EBF1: variants seen among roughly 807,000 people sequenced by gnomAD.
The protein encoded by EBF1 is transcription factor COE1.
EBF1 carries 10 observed loss-of-function variants against 68.4 expected under a neutral mutation model. That is an observed-to-expected ratio of 0.15 (90% CI 0.09 to 0.25). EBF1 has a LOEUF of 0.25. EBF1 is among the 10% of genes least tolerant of loss of function. The pLI, the probability that EBF1 is intolerant of heterozygous loss-of-function variation, is 1.00. For synonymous variants in EBF1, 298 were observed against 299.8 expected (o/e 0.99, Z 0.06); for missense variants, 509 against 794.4 (o/e 0.64, Z 4.32).
At chr5:159,016,766 T>C (rs556012280) in intron 6 of EBF1, among the ~76,000 whole-genome samples, 6 of 152,296 alleles carry the variant, frequency 3.9e-5, no homozygotes, top group South Asian at 4.1e-4. Flanking sequence ...TTTAGCTCTA[T>C]CCTTGGATCA....
chr5:158,991,772 AT>A (rs1760374992), intron 6 of EBF1, among the ~76,000 whole-genome samples: 1 of 152,206 alleles, frequency 6.6e-6, no homozygotes, highest in South Asian at 2.1e-4. Context: ...AGCTAGTTTT[AT>A]CCTTTTGCAT....
intron 6 of EBF1, among the ~76,000 whole-genome samples, chr5:159,056,353 GA>G (rs1355354685): frequency 6.6e-6 from 1 of 152,136 alleles, no homozygotes; most frequent in Non-Finnish European, 1.5e-5. Context: ...ATTCAGAGGT[GA>G]AATAATTGTC....
chr5:158,858,951 A>G (rs1263206618), intron 6 of EBF1, among the ~76,000 whole-genome samples: 1 of 152,172 alleles, frequency 6.6e-6, no homozygotes, highest in Non-Finnish European at 1.5e-5. Context: ...CTCCTTAGAC[A>G]GTGAGCTTTA....
At chr5:158,887,857 G>C (rs1029248134) in intron 6 of EBF1, among the ~76,000 whole-genome samples, 1 of 152,146 alleles carries the variant, frequency 6.6e-6, no homozygotes, top group Non-Finnish European at 1.5e-5. Flanking sequence ...TTCAAAGAGT[G>C]GGGGGAAAAG....
At chr5:158,933,833 C>A (rs775867682) in intron 6 of EBF1, among the ~76,000 whole-genome samples, 2 of 152,190 alleles carry the variant, frequency 1.3e-5, no homozygotes, top group African/African-American at 4.8e-5. Flanking sequence ...TCTGCTCACA[C>A]CCCAAAACAA....
chr5:158,846,587 G>T (rs1173510742), intron 6 of EBF1, among the ~76,000 whole-genome samples: 1 of 152,298 alleles, frequency 6.6e-6, no homozygotes, highest in East Asian at 1.9e-4. Context: ...CTGAAAAATG[G>T]ATCTCCCTTG....
chr5:158,930,157 G>C (rs1407855319), intron 6 of EBF1, among the ~76,000 whole-genome samples: 1 of 152,056 alleles, frequency 6.6e-6, no homozygotes, highest in African/African-American at 2.4e-5. Flanking sequence ...AAGTTAGTCA[G>C]GTGTATCTGT....
intron 9 of EBF1, among the ~76,000 whole-genome samples, chr5:158,780,791 G>A (rs780893493): frequency 1.3e-5 from 2 of 152,116 alleles, no homozygotes; most frequent in South Asian, 4.2e-4. Context: ...GTGATGAAAA[G>A]AGAAACCAAA....
chr5:158,806,088 T>G (rs1353204122), intron 8 of EBF1, among the ~76,000 whole-genome samples: 1 of 152,088 alleles, frequency 6.6e-6, no homozygotes, highest in Non-Finnish European at 1.5e-5. Flanking sequence ...TGAAGTCATT[T>G]ATTGATCAAC....
intron 6 of EBF1, among the ~76,000 whole-genome samples, chr5:158,924,079 T>A (rs1284960367): frequency 6.6e-6 from 1 of 152,214 alleles, no homozygotes; most frequent in Non-Finnish European, 1.5e-5. Context: ...AGACAAAGTT[T>A]TTAGTCATCT....
intron 10 of EBF1, among the ~76,000 whole-genome samples, chr5:158,737,100 C>T (rs926940253): frequency 5.9e-5 from 9 of 152,046 alleles, no homozygotes; most frequent in African/African-American, 2.2e-4. Context: ...GTGCCCCTGC[C>T]TCGGAGAGAG....
chr5:158,997,829 G>A (rs777240293), intron 6 of EBF1, among the ~76,000 whole-genome samples: 4 of 152,054 alleles, frequency 2.6e-5, no homozygotes, highest in Admixed American at 6.6e-5. Context: ...TTACCTCAAC[G>A]CTCATGTTCT....
chr5:158,929,352 C>G (rs1347973360), intron 6 of EBF1, among the ~76,000 whole-genome samples: 1 of 152,176 alleles, frequency 6.6e-6, no homozygotes, highest in Non-Finnish European at 1.5e-5. Context: ...CCCTGTCTGT[C>G]CACAGTACAG....
At chr5:158,772,914 A>G (rs1234054000) in intron 10 of EBF1, among the ~76,000 whole-genome samples, 1 of 152,174 alleles carries the variant, frequency 6.6e-6, no homozygotes, top group Non-Finnish European at 1.5e-5. Context: ...CCAGCAAGGT[A>G]TTATTATTAT....
intron 6 of EBF1, among the ~76,000 whole-genome samples, chr5:159,035,123 G>A (rs1012722415): frequency 6.6e-6 from 1 of 152,028 alleles, no homozygotes; most frequent in Non-Finnish European, 1.5e-5. Flanking sequence ...GAAAGAAAGA[G>A]AAAGAAAGAG....
chr5:159,080,745 A>G (rs1454343311), intron 5 of EBF1, among the ~76,000 whole-genome samples: 1 of 152,258 alleles, frequency 6.6e-6, no homozygotes, highest in Non-Finnish European at 1.5e-5. Flanking sequence ...TTAATCACCA[A>G]CTTCTGAGAT....
chr5:158,749,067 G>A (rs1375476286), intron 10 of EBF1, among the ~76,000 whole-genome samples: 1 of 152,192 alleles, frequency 6.6e-6, no homozygotes, highest in Non-Finnish European at 1.5e-5. Context: ...CCCTGTGGAA[G>A]AGGGCCTAGA....
intron 6 of EBF1, among the ~76,000 whole-genome samples, chr5:158,941,846 C>T (rs1471874022): frequency 6.6e-6 from 1 of 152,138 alleles, no homozygotes; most frequent in African/African-American, 2.4e-5. Flanking sequence ...ACTGTGGTAT[C>T]CTAGGCCACT....
intron 9 of EBF1, among the ~76,000 whole-genome samples, chr5:158,781,233 TCTTATA>T (rs1395084175): frequency 3.9e-5 from 6 of 152,356 alleles, no homozygotes; most frequent in African/African-American, 1.2e-4. Flanking sequence ...AAAACCAATC[TCTTATA>T]CTTATAAAGA....
Sources: gnomAD v4.1 joint callset for allele counts (sites outside exome capture counted in the v4.1 genomes callset) on GRCh38, gnomAD v4.1.1 for gene constraint, MANE v1.5 for transcripts, NCBI Gene and HGNC (gene_info 2026-07-23, HGNC 2026-07-21) for gene names.